Variants in TAP2 observed in about 807,000 individuals in gnomAD.
The protein encoded by TAP2 is antigen peptide transporter 2.
In TAP2, 49 loss-of-function variants were observed where a neutral mutation model predicts 74.7. The ratio of observed to expected loss-of-function variants is 0.66; its 90% CI spans 0.52 to 0.83. The LOEUF is 0.83. TAP2 is among the 40% of genes least tolerant of loss of function. TAP2 has a pLI of 0.00. For synonymous variants in TAP2, 306 were observed against 368.4 expected (o/e 0.83, Z 1.94); for missense variants, 739 against 859.0 (o/e 0.86, Z 1.75).
At chr6:32,834,475 C>T (rs868584866) in intron 5 of TAP2, among the ~76,000 whole-genome samples, 2 of 152,124 alleles carry the variant, frequency 1.3e-5, no homozygotes, top group African/African-American at 2.4e-5. Flanking sequence ...AGGTTGCCAG[C>T]GGCCAGGGGT....
intron 8 of TAP2, 42 bp from the exon 9 acceptor site, chr6:32,830,482 C>T: frequency 6.3e-7 from 1 of 1,594,592 alleles, no homozygotes; most frequent in Non-Finnish European, 8.5e-7. Flanking sequence ...CCCCTTCTCC[C>T]TCAAAATCCC....
Position 32,826,502 on chromosome 6 carries a change from C to T in TAP2, c.*2404G>A. 1 of 985,394 alleles carries T rather than the reference C, an allele frequency of 1.0e-6. No homozygotes were observed. Among genetic ancestry groups the T allele is most frequent in the Non-Finnish European group, 1.2e-6 (1 of 829,936 alleles). The allele number at this position is 985,394 out of a possible 1,614,324, so 61.0% of individuals were successfully genotyped here. A position where few individuals can be genotyped will look rare whatever the true frequency, so the allele number is the denominator to read the frequency against. ...TGGAGCAAACCAGGATTAGTGACAT[C>T]TGTGGTTCCCAGACAAACCACACTT... is the stretch of plus-strand genomic sequence containing the variant. On this transcript the variant is annotated 3_prime_UTR_variant, in exon 12 of 12. Coordinates refer to ENST00000374897, the MANE Select transcript of TAP2 (RefSeq NM_001290043.2).
chr6:32,830,226 G>C, intron 9 of TAP2, 41 bp downstream of exon 9: 1 of 1,612,630 alleles, frequency 6.2e-7, no homozygotes, highest in Non-Finnish European at 8.5e-7. Flanking sequence ...CTCTGTACAT[G>C]CTCCCCTCTC....
Position 32,826,803 on chromosome 6 carries a change from A to C in TAP2, c.*2103T>G, listed in dbSNP as rs1582556025. On this transcript the variant is annotated 3_prime_UTR_variant, in exon 12 of 12. Coordinates refer to ENST00000374897, the MANE Select transcript of TAP2 (RefSeq NM_001290043.2). ...TTCCAGGCTTAAAGTATTATGATGC[A>C]TGGGTATAACTGTACTGAGGAAATC... The C allele has an allele frequency of 1.0e-6, 1 of 985,446 alleles. No homozygotes were observed. The highest frequency in any genetic ancestry group is 1.1e-4 in the East Asian group (1 of 8,824). The allele number at this position is 985,446 out of a possible 1,614,324, so 61.0% of individuals were successfully genotyped here. A position where few individuals can be genotyped will look rare whatever the true frequency, so the allele number is the denominator to read the frequency against.
chr6:32,825,126 T>TTTTATATATATATATATA (rs1554230833), downstream of TAP2, among the ~76,000 whole-genome samples: 4 of 140,786 alleles, frequency 2.8e-5, no homozygotes, highest in Admixed American at 1.5e-4. Context: ...TGTCTGTTGG[T>TTTTATATATATATATATA]TATATACATA....
Position 32,837,756 on chromosome 6 carries a change from CA to C in TAP2, c.477del (p.Val160SerfsTer9), listed in dbSNP as rs751990108. On this transcript the variant is annotated frameshift_variant, in exon 2 of 12. Transcript: ENST00000374897. LOFTEE classifies it high-confidence loss of function. ...LPLLVAAFFF[L>X]VLAVLGETLI... ...CCTGACTCACCCAAAACAGCAAGGA[CA>C]AGGAAGAAGAAGGCGGCAACGAGGA... 2 of 1,614,034 alleles carry C rather than the reference CA, an allele frequency of 1.2e-6. No individual in the cohort carries two copies. Among genetic ancestry groups the C allele is most frequent in the Non-Finnish European group, 1.7e-6 (2 of 1,180,024 alleles).
Position 32,829,409 on chromosome 6 carries a change from G to T in TAP2, c.1923C>A (p.Cys641Ter). ...CTCTCACGGTACTCACGGCCTGCTC[G>T]CACTGCACATCTAGGGCACTAGTAG... Reference protein sequence around the residue: ...DEATSALDVQCEQALQDWNSR... With the variant: ...DEATSALDVQ The change falls in exon 11 of 12, where the codon TGC becomes TGA. Residue 641 changes from cysteine to a stop codon, truncating the protein, a stop_gained. Coordinates refer to ENST00000374897, the MANE Select transcript of TAP2 (RefSeq NM_001290043.2). LOFTEE classifies it high-confidence loss of function. The T allele has an allele frequency of 6.2e-7, 1 of 1,601,452 alleles. No homozygotes were observed. The highest frequency in any genetic ancestry group is 8.5e-7 in the Non-Finnish European group (1 of 1,173,670).
Position 32,830,052 on chromosome 6 carries a change from C to T in TAP2, c.1673G>A (p.Gly558Asp), listed in dbSNP as rs775963491. The change falls in exon 10 of 12, where the codon GGT (glycine) becomes GAT (aspartate). Residue 558 changes from glycine (G) to aspartate (D), a missense_variant. Gly to Asp is a moderately conservative substitution (Grantham distance 94, BLOSUM62 -1). Transcript: ENST00000374897. The stretch of plus-strand genomic sequence containing the variant: ...ATAAGCAATGTTGTTCCTCACAGAA[C>T]CGGAGAACAGCACAGGCTCCTGCCC... ...SVGQEPVLFS[G>D]SVRNNIAYGL... 2.5e-6 allele frequency: 4 copies of T among 1,612,982 alleles called. No homozygotes were observed. Among genetic ancestry groups the T allele is most frequent in the Non-Finnish European group, 3.4e-6 (4 of 1,180,036 alleles).
Position 32,828,679 on chromosome 6 carries a change from C to CACCCACCA in TAP2, c.*226_*227insTGGTGGGT. ...TAAGTTTCCTGGACACAGACAGCCC[C>CACCCACCA]CACCCCACCCCACCCCACCTCTCTA... On this transcript the variant is annotated 3_prime_UTR_variant, in exon 12 of 12. Transcript: ENST00000374897. 3 of 948,138 alleles carry CACCCACCA rather than the reference C, an allele frequency of 3.2e-6. No homozygotes were observed. The highest frequency in any genetic ancestry group is 3.8e-6 in the Non-Finnish European group (3 of 788,690). 58.7% of individuals were successfully genotyped at this position (948,138 alleles called of 1,614,324 possible).
Position 32,829,408 on chromosome 6 carries a change from C to T in TAP2, c.1924G>A (p.Glu642Lys), listed in dbSNP as rs765581144. 8 of 1,600,510 alleles carry T rather than the reference C, an allele frequency of 5.0e-6. No homozygotes were observed. In the South Asian group the frequency reaches 5.6e-5, roughly 11 times the overall value. Residue 642 changes from glutamate to lysine, a missense_variant, in exon 11 of 12, where the codon GAG becomes AAG. Transcript: ENST00000374897. ...EATSALDVQC[E>K]QALQDWNSRG... ...CCTCTCACGGTACTCACGGCCTGCTCGCACTGCACATCTAGGGCACTAGTA... is the reference window on the plus strand; with the variant it reads ...CCTCTCACGGTACTCACGGCCTGCTTGCACTGCACATCTAGGGCACTAGTA...
rs1003507634 is a variant in TAP2 at position 32,826,975 on chromosome 6, T to C, written c.*1931A>G. The stretch of plus-strand genomic sequence containing the variant: ...CCAGAGTTCTTTCTCTCCAAATGCC[T>C]ATTTTACCCTCTGTGAAATTTGAGA... On this transcript the variant is annotated 3_prime_UTR_variant, in exon 12 of 12. Coordinates refer to ENST00000374897, the MANE Select transcript of TAP2 (RefSeq NM_001290043.2). 1.6e-5 allele frequency: 16 copies of C among 985,288 alleles called. No homozygotes were observed. The African/African-American group carries it at 2.8e-4, about 17-fold the overall frequency. 61.0% of individuals were successfully genotyped at this position (985,288 alleles called of 1,614,324 possible). A position where few individuals can be genotyped will look rare whatever the true frequency, so the allele number is the denominator to read the frequency against.
In TAP2 at chr6:32,830,698, G is replaced by T. The variant is rs1469773653; in HGVS notation, c.1381C>A (p.Pro461Thr). 2 of 1,612,936 alleles carry T rather than the reference G, an allele frequency of 1.2e-6. No individual in the cohort carries two copies. The highest frequency in any genetic ancestry group is 1.3e-5 in the African/African-American group (1 of 74,916). Residue 461 changes from proline to threonine, a missense_variant, in exon 8 of 12, where the codon CCC becomes ACC. Pro to Thr is a conservative substitution (Grantham distance 38). Transcript: ENST00000374897. ...TTCACAACCCCCTGCAGAGTGGTGG[G>T]GGCAAGCGTGCCAGGTGAAGGCAGA... is the stretch of plus-strand genomic sequence containing the variant. Reference protein sequence around the residue: ...PNLPSPGTLAPTTLQGVVKFQ... With the variant: ...PNLPSPGTLATTTLQGVVKFQ...
chr6:32,830,059 A>G lies in TAP2; in HGVS notation c.1666T>C (p.Phe556Leu). The part of the protein sequence containing the change: ...VVSVGQEPVL[F>L]SGSVRNNIAY... ...ATGTTGTTCCTCACAGAACCGGAGA[A>G]CAGCACAGGCTCCTGCCCAACTGAA... Residue 556 changes from phenylalanine to leucine, a missense_variant, in exon 10 of 12, where the codon TTC (phenylalanine) becomes CTC (leucine). Phe to Leu is a conservative substitution (Grantham distance 22). Transcript: ENST00000374897. 6.2e-7 allele frequency: 1 copy of G among 1,613,090 alleles called. No homozygotes were observed. Among genetic ancestry groups the G allele is most frequent in the Non-Finnish European group, 8.5e-7 (1 of 1,180,024 alleles).
downstream of TAP2, chr6:32,822,103 C>T (rs1175865448): frequency 1.7e-6 from 1 of 584,464 alleles, no homozygotes; most frequent in African/African-American, 1.9e-5. Context: ...TCTGCAGCCA[C>T]TTCTTTGATA....
Position 32,828,675 on chromosome 6 carries a change from G to GCCTCCCCCCCCCCCCCCCCCCC in TAP2, c.*230_*231insGGGGGGGGGGGGGGGGGGGAGG. The GCCTCCCCCCCCCCCCCCCCCCC allele has an allele frequency of 2.3e-6, 2 of 884,284 alleles. No homozygotes were observed. Among genetic ancestry groups the GCCTCCCCCCCCCCCCCCCCCCC allele is most frequent in the Non-Finnish European group, 2.7e-6 (2 of 735,244 alleles). 54.8% of individuals were successfully genotyped at this position (884,284 alleles called of 1,614,324 possible). Reference sequence around the variant, plus strand: ...GAATTAAGTTTCCTGGACACAGACAGCCCCCACCCCACCCCACCCCACCTC... The same window carrying GCCTCCCCCCCCCCCCCCCCCCC: ...GAATTAAGTTTCCTGGACACAGACAGCCTCCCCCCCCCCCCCCCCCCCCCCCCACCCCACCCCACCCCACCTC... On this transcript the variant is annotated 3_prime_UTR_variant, in exon 12 of 12. Transcript: ENST00000374897.
At position 32,835,873 on chromosome 6, in the gene TAP2, C is replaced by A; in HGVS notation, c.609-100G>T. On this transcript the variant is annotated intron_variant, in intron 3 of 11. Transcript: ENST00000374897. The surrounding 1 kb of genome is among the most constrained non-coding windows in gnomAD (Gnocchi z 4.0). ...CCAGGAGTGCAGAGAAGCGCAAAGT[C>A]AGGGGAAAGCATGCCAGGAGGGGCA... The A allele has an allele frequency of 1.3e-6, 2 of 1,507,762 alleles. No homozygotes were observed. Among genetic ancestry groups the A allele is most frequent in the South Asian group, 2.3e-5 (2 of 88,382 alleles). 93.4% of individuals were successfully genotyped at this position (1,507,762 alleles called of 1,614,324 possible).
chr6:32,832,402 A>G lies in TAP2; in HGVS notation c.1203T>C (p.Asp401=). 2 of 1,613,000 alleles carry G rather than the reference A, an allele frequency of 1.2e-6. No individual in the cohort carries two copies. The highest frequency in any genetic ancestry group is 2.2e-5 in the South Asian group (2 of 91,056). The part of the protein sequence containing the change: ...MLSCGLQQMQ[D]GELTQGSLLS... ...GCAGGCTGCCCTGGGTGAGCTCCCC[A>G]TCCTGCATCTGCTGCAGCCCACAGC... The change falls in exon 7 of 12, where the codon GAT becomes GAC. Residue 401 remains aspartate, a synonymous_variant. Transcript: ENST00000374897. This position sits in a 1 kb window ranked among gnomAD's most constrained non-coding sequence, Gnocchi z 5.9.
rs780131528 is a variant in TAP2 at position 32,832,774 on chromosome 6, C to A, written c.996G>T (p.Val332=). Reference sequence around the variant, plus strand: ...TCTGCAGCCCTCCAACGGCTTCCCGCACCACCTGCCCCGCCCTGGCCACTG... The same window carrying A: ...TCTGCAGCCCTCCAACGGCTTCCCGAACCACCTGCCCCGCCCTGGCCACTG... ...QDAVARAGQV[V]REAVGGLQTV... Residue 332 remains valine, a synonymous_variant, in exon 6 of 12, where the codon GTG becomes GTT. Transcript: ENST00000374897. The surrounding 1 kb of genome is among the most constrained non-coding windows in gnomAD (Gnocchi z 5.9). 44 of 1,613,106 alleles carry A rather than the reference C, an allele frequency of 2.7e-5. No homozygotes were observed. Among genetic ancestry groups the A allele is most frequent in the Non-Finnish European group, 3.4e-5 (40 of 1,180,048 alleles).
chr6:32,828,864 C>T lies in TAP2; in HGVS notation c.*42G>A. 1 of 1,521,596 alleles carries T rather than the reference C, an allele frequency of 6.6e-7. No homozygotes were observed. Among genetic ancestry groups the T allele is most frequent in the Non-Finnish European group, 8.9e-7 (1 of 1,127,654 alleles). 94.3% of individuals were successfully genotyped at this position (1,521,596 alleles called of 1,614,324 possible). A position where few individuals can be genotyped will look rare whatever the true frequency, so the allele number is the denominator to read the frequency against. ...CAGTATCCCTGGGGCCTCAGTCCATCAGCCGCTGCTGCACCAGGCGGGAAT... is the reference window on the plus strand; with the variant it reads ...CAGTATCCCTGGGGCCTCAGTCCATTAGCCGCTGCTGCACCAGGCGGGAAT... On this transcript the variant is annotated 3_prime_UTR_variant, in exon 12 of 12. Transcript: ENST00000374897.
Sources: gnomAD v4.1 joint callset for allele counts (sites outside exome capture counted in the v4.1 genomes callset) on GRCh38, gnomAD v4.1.1 for gene constraint, Gnocchi (gnomAD v3.1) non-coding constraint, MANE v1.5 for transcripts, NCBI Gene and HGNC (gene_info 2026-07-23, HGNC 2026-07-21) for gene names.